The following SPIRE2 variants were observed in gnomAD, a reference collection of about 807,000 sequenced individuals.
SPIRE2 encodes protein spire homolog 2.
SPIRE2 carries 76 observed loss-of-function variants against 80.7 expected under a neutral mutation model. That is an observed-to-expected ratio of 0.94 (90% CI 0.78 to 1.14). The LOEUF (loss-of-function observed/expected upper bound fraction) is 1.14, where lower values mean the gene tolerates loss of function less well. Among genes scored for constraint, SPIRE2 ranks in the 50% most tolerant of loss-of-function variants. The pLI is 0.00. For synonymous variants in SPIRE2, 535 were observed against 432.6 expected (o/e 1.24, Z -2.94); for missense variants, 1,196 against 1,015.3 (o/e 1.18, Z -2.42).
In SPIRE2 at chr16:89,854,600, G is replaced by C. The variant is rs762871186; in HGVS notation, c.840G>C (p.Glu280Asp). ...CCGAGTTCCAGCTCACGCCCTTCGA[G>C]ATGCTGATGCAGGACATCCGGGCCC... ...LPTEFQLTPFEMLMQDIRARN... is the reference protein window; with the variant it reads ...LPTEFQLTPFDMLMQDIRARN... Residue 280 changes from glutamate to aspartate, a missense_variant, in exon 5 of 15, where the codon GAG (glutamate) becomes GAC (aspartate). Transcript: ENST00000378247. 1 of 1,612,814 alleles carries C rather than the reference G, an allele frequency of 6.2e-7. No individual in the cohort carries two copies. The highest frequency in any genetic ancestry group is 8.5e-7 in the Non-Finnish European group (1 of 1,179,964).
At chr16:89,855,847 G>A in intron 6 of SPIRE2, 161 bp downstream of exon 6, 1 of 901,470 alleles carries the variant, frequency 1.1e-6, no homozygotes, top group Non-Finnish European at 1.7e-6. Context: ...TCTTGCCTGT[G>A]TGCCAGCCCG....
rs545413805 is a variant in SPIRE2 at position 89,856,109 on chromosome 16, G to T, written c.979-4G>T. ...CCACCGCAGGTCTCGCTTCCCCACC[G>T]CAGGTCTCTGAGAGGCGGCTGCGCC... On this transcript the variant is annotated splice_polypyrimidine_tract_variant and splice_region_variant and intron_variant, in intron 6 of 14. Coordinates refer to ENST00000378247, the MANE Select transcript of SPIRE2 (RefSeq NM_032451.2). 5 of 1,611,068 alleles carry T rather than the reference G, an allele frequency of 3.1e-6. No homozygotes were observed. In the African/African-American group the frequency reaches 5.3e-5, roughly 17 times the overall value.
At chr16:89,844,810 T>G (rs1421285405) in intron 1 of SPIRE2, among the ~76,000 whole-genome samples, 1 of 152,226 alleles carries the variant, frequency 6.6e-6, no homozygotes, top group Non-Finnish European at 1.5e-5. Context: ...TTTGAACTCC[T>G]GGCTGCTAGC....
intron 1 of SPIRE2, among the ~76,000 whole-genome samples, chr16:89,829,068 G>A (rs779661421): frequency 1.3e-5 from 2 of 152,208 alleles, no homozygotes; most frequent in Non-Finnish European, 2.9e-5. Context: ...CGCGGAGCGG[G>A]CTGCTCCCCA....
At chr16:89,864,610 G>A (rs190535203) in intron 12 of SPIRE2, among the ~76,000 whole-genome samples, 4 of 152,268 alleles carry the variant, frequency 2.6e-5, no homozygotes, top group Non-Finnish European at 4.4e-5. Context: ...GAGTAACATC[G>A]GTTTCCACCG....
intron 12 of SPIRE2, among the ~76,000 whole-genome samples, chr16:89,864,302 C>G (rs571642349): frequency 6.6e-6 from 1 of 152,122 alleles, no homozygotes; most frequent in Non-Finnish European, 1.5e-5. Flanking sequence ...TCGAGTCCGC[C>G]GTGTAGAACT....
In SPIRE2 at chr16:89,853,605, A is replaced by G. The variant is rs533430295; in HGVS notation, c.646-681A>G. ...CAGTGTGGCGGGTACCTGGGGCCGAAGCCAGGGTGACCGGTTCTGCCTTGG... is the reference window on the plus strand; with the variant it reads ...CAGTGTGGCGGGTACCTGGGGCCGAGGCCAGGGTGACCGGTTCTGCCTTGG... On this transcript the variant is annotated intron_variant, in intron 3 of 14. Coordinates refer to ENST00000378247, the MANE Select transcript of SPIRE2 (RefSeq NM_032451.2). Among the ~76,000 whole-genome samples, 3 of 152,172 alleles carry G rather than the reference A, an allele frequency of 2.0e-5. No homozygotes were observed. The South Asian group carries it at 6.2e-4, about 32-fold the overall frequency.
At position 89,834,112 on chromosome 16, in the gene SPIRE2, CATGGATAAG is replaced by C. The variant is rs2041416024; in HGVS notation, c.244+5319_244+5327del. Among the ~76,000 whole-genome samples the C allele has an allele frequency of 4.7e-5, 7 of 147,590 alleles. 1 individual carries two copies. Among genetic ancestry groups the C allele is most frequent in the Admixed American group, 6.8e-5 (1 of 14,746 alleles). Reference sequence around the variant, plus strand: ...CGCTCGCGGTTGGCCGTCGTAGAAGCATGGATAAGCATAGCCCGTGTGAATCTGTGAACC... The same window carrying C: ...CGCTCGCGGTTGGCCGTCGTAGAAGCCATAGCCCGTGTGAATCTGTGAACC... On this transcript the variant is annotated intron_variant, in intron 1 of 14. Transcript: ENST00000378247.
intron 8 of SPIRE2, 55 bp downstream of exon 8, chr16:89,858,562 A>T: frequency 1.4e-6 from 2 of 1,477,078 alleles, no homozygotes; most frequent in Non-Finnish European, 1.8e-6. Context: ...GATGGGGGCC[A>T]AGGAAGTGAG....
At chr16:89,841,334 A>C (rs1484962162) in intron 1 of SPIRE2, among the ~76,000 whole-genome samples, 1 of 152,132 alleles carries the variant, frequency 6.6e-6, no homozygotes, top group Admixed American at 6.5e-5. Flanking sequence ...CATGGCACTA[A>C]TAGACTTGAT....
chr16:89,861,676 G>T (rs1194528778), intron 10 of SPIRE2, among the ~76,000 whole-genome samples: 1 of 152,206 alleles, frequency 6.6e-6, no homozygotes, highest in Admixed American at 6.5e-5. Context: ...AGGGTCTTTC[G>T]TGAGGCTGCA....
rs374120946 is a variant in SPIRE2, at chr16:89,835,572, A to G, written c.244+6778A>G. On this transcript the variant is annotated intron_variant, in intron 1 of 14. Coordinates refer to ENST00000378247, the MANE Select transcript of SPIRE2 (RefSeq NM_032451.2). Reference sequence around the variant, plus strand: ...TTGGTCTGGTCCTGGTTTGCAGCCCATTTAAGCAAACATATCAGTGGGTCT... The same window carrying G: ...TTGGTCTGGTCCTGGTTTGCAGCCCGTTTAAGCAAACATATCAGTGGGTCT... Among the ~76,000 whole-genome samples, 40 of 152,296 alleles carry G rather than the reference A, an allele frequency of 2.6e-4. No homozygotes were observed. In the East Asian group the frequency reaches 6.4e-3, roughly 24 times the overall value.
Position 89,856,007 on chromosome 16 carries a change from G to A in SPIRE2, c.979-106G>A, listed in dbSNP as rs182265362. 3.0e-4 allele frequency: 452 copies of A among 1,520,198 alleles called. 1 individual carries two copies. In the African/African-American group the frequency reaches 4.4e-3, roughly 15 times the overall value. 94.2% of individuals were successfully genotyped at this position (1,520,198 alleles called of 1,614,324 possible). ...GCTCTTCCGACTCCAGAGTGGGCCC[G>A]TGTCATGGTCACTTCCCCACCACAG... On this transcript the variant is annotated intron_variant, in intron 6 of 14. Coordinates refer to ENST00000378247, the MANE Select transcript of SPIRE2 (RefSeq NM_032451.2).
chr16:89,859,630 A>G (rs2041724540), intron 9 of SPIRE2, among the ~76,000 whole-genome samples: 1 of 152,234 alleles, frequency 6.6e-6, no homozygotes, highest in Non-Finnish European at 1.5e-5. Context: ...ACTTTGGGAT[A>G]TAGAAAGATA....
chr16:89,867,741 C>T (rs997063051), intron 12 of SPIRE2, among the ~76,000 whole-genome samples: 27 of 152,026 alleles, frequency 1.8e-4, no homozygotes, highest in Admixed American at 1.3e-3. Context: ...CCTGCTGCCA[C>T]GCCCAACTCA....
At chr16:89,830,603 A>T (rs751536191) in intron 1 of SPIRE2, among the ~76,000 whole-genome samples, 1 of 151,242 alleles carries the variant, frequency 6.6e-6, no homozygotes, top group African/African-American at 2.4e-5. Context: ...GTAGATATCA[A>T]TAGGAAAACA....
intron 1 of SPIRE2, among the ~76,000 whole-genome samples, chr16:89,844,162 A>G (rs2041534943): frequency 6.7e-6 from 1 of 148,752 alleles, no homozygotes; most frequent in Non-Finnish European, 1.5e-5. Flanking sequence ...TTTTATTTTT[A>G]TTTTTATATA....
At chr16:89,836,785 G>C (rs1040350299) in intron 1 of SPIRE2, among the ~76,000 whole-genome samples, 2 of 149,306 alleles carry the variant, frequency 1.3e-5, no homozygotes, top group Admixed American at 6.7e-5. Flanking sequence ...TTCGAGACCA[G>C]CCTGACCAAC....
chr16:89,844,730 G>T (rs560955912), intron 1 of SPIRE2, among the ~76,000 whole-genome samples: 1 of 152,274 alleles, frequency 6.6e-6, no homozygotes, highest in South Asian at 2.1e-4. Context: ...GAGCCACCGC[G>T]CCTGGCCCTC....
Sources: gnomAD v4.1 joint callset for allele counts (sites outside exome capture counted in the v4.1 genomes callset) on GRCh38, gnomAD v4.1.1 for gene constraint, MANE v1.5 for transcripts, NCBI Gene and HGNC (gene_info 2026-07-23, HGNC 2026-07-21) for gene names.